Variants in AIRIM observed in about 807,000 individuals in gnomAD.
AIRIM encodes the protein AFG2 interacting ribosome maturation factor.
At chr1:37,689,971 T>TG in the AIRIM span, 1 of 1,459,148 alleles carries the variant, frequency 6.9e-7, no homozygotes, top group Non-Finnish European at 9.0e-7. Flanking sequence ...GCGTCATCTC[T>TG]GTTATCGTGT....
chr1:37,686,467 C>A, the AIRIM span: 2 of 1,609,550 alleles, frequency 1.2e-6, no homozygotes, highest in Non-Finnish European at 1.7e-6. Context: ...AAGAAAGAGT[C>A]TGACATTAGG....
chr1:37,686,839 G>T, the AIRIM span, among the ~76,000 whole-genome samples: 1 of 152,090 alleles, frequency 6.6e-6, no homozygotes, highest in African/African-American at 2.4e-5. Context: ...AGGCTGAGCG[G>T]GGTGGATCAC....
At chr1:37,688,707 C>G in the AIRIM span, among the ~76,000 whole-genome samples, 2 of 152,252 alleles carry the variant, frequency 1.3e-5, no homozygotes, top group African/African-American at 4.8e-5. Context: ...TTCTTTTGTT[C>G]CAGTTCAAGG....
chr1:37,689,823 C>T, the AIRIM span: 1 of 1,604,454 alleles, frequency 6.2e-7, no homozygotes, highest in Non-Finnish European at 8.5e-7. Flanking sequence ...TCCTCCACCA[C>T]GGGGAAGCAC....
chr1:37,689,876 G>C, the AIRIM span: 7 of 1,550,340 alleles, frequency 4.5e-6, no homozygotes, highest in East Asian at 1.4e-4. Flanking sequence ...CCGGTCTTGA[G>C]TCATCTTCTG....
the AIRIM span, among the ~76,000 whole-genome samples, chr1:37,689,073 C>G: frequency 6.6e-6 from 1 of 152,040 alleles, no homozygotes; most frequent in Non-Finnish European, 1.5e-5. Flanking sequence ...CAATCTACAG[C>G]AGAACAAAGT....
At chr1:37,687,088 G>GTA in the AIRIM span, among the ~76,000 whole-genome samples, 9 of 147,490 alleles carry the variant, frequency 6.1e-5, no homozygotes, top group African/African-American at 2.1e-4. Flanking sequence ...GTGTGTGTGT[G>GTA]TGTGTGTGTG....
At chr1:37,690,448 C>A in the AIRIM span, 2 of 1,262,820 alleles carry the variant, frequency 1.6e-6, no homozygotes, top group South Asian at 2.6e-5. Flanking sequence ...CCTGAAAAAG[C>A]GGAAAAACTT....
the AIRIM span, chr1:37,682,778 T>C: frequency 1.9e-5 from 4 of 206,784 alleles, no homozygotes; most frequent in African/African-American, 7.0e-5. Context: ...GTGTGGCTCT[T>C]TGCCTCTTGT....
the AIRIM span, among the ~76,000 whole-genome samples, chr1:37,685,579 C>T: frequency 4.0e-5 from 6 of 151,712 alleles, no homozygotes; most frequent in East Asian, 1.2e-3. Context: ...GTAGAGACGG[C>T]GTTTCACCAT....
the AIRIM span, among the ~76,000 whole-genome samples, chr1:37,690,752 A>C: frequency 2.6e-5 from 4 of 152,242 alleles, no homozygotes; most frequent in Admixed American, 2.0e-4. Flanking sequence ...CGGTGGTGGC[A>C]TGTCCTGTTA....
the AIRIM span, among the ~76,000 whole-genome samples, chr1:37,685,962 T>C: frequency 6.6e-6 from 1 of 152,152 alleles, no homozygotes; most frequent in Admixed American, 6.6e-5. Context: ...GACCACCCTA[T>C]TTTAAATCAC....
the AIRIM span, chr1:37,686,346 G>T: frequency 3.1e-6 from 5 of 1,614,094 alleles, no homozygotes; most frequent in Non-Finnish European, 4.2e-6. Context: ...ACTGCTGAAG[G>T]CTGCAGGACA....
the AIRIM span, chr1:37,686,466 T>G: frequency 1.9e-6 from 3 of 1,609,796 alleles, no homozygotes; most frequent in Non-Finnish European, 1.7e-6. Context: ...CAAGAAAGAG[T>G]CTGACATTAG....
At chr1:37,684,532 T>A in the AIRIM span, among the ~76,000 whole-genome samples, 1 of 152,098 alleles carries the variant, frequency 6.6e-6, no homozygotes, top group Middle Eastern at 3.2e-3. Context: ...GGCAGGAGAA[T>A]TGCTTGAACT....
At chr1:37,689,772 G>C in the AIRIM span, 1 of 1,613,460 alleles carries the variant, frequency 6.2e-7, no homozygotes, top group Admixed American at 1.7e-5. Flanking sequence ...GACAGGAGGG[G>C]CTGGCAGTCC....
chr1:37,689,509 C>T, the AIRIM span: 2 of 1,390,396 alleles, frequency 1.4e-6, no homozygotes, highest in East Asian at 2.4e-5. Flanking sequence ...GCCACGCTTT[C>T]AAGGAGAAAA....
chr1:37,685,192 T>TGGCG, the AIRIM span, among the ~76,000 whole-genome samples: 1 of 44,786 alleles, frequency 2.2e-5, no homozygotes, highest in Admixed American at 3.1e-4. Context: ...TGCTTTTTTT[T>TGGCG]GGGGGGGGGG....
chr1:37,687,156 T>C, the AIRIM span, among the ~76,000 whole-genome samples: 1 of 151,706 alleles, frequency 6.6e-6, no homozygotes, highest in Admixed American at 6.6e-5. Flanking sequence ...AGATGGAGTT[T>C]CGTTCTTGTC....
Sources: allele counts gnomAD v4.1 joint callset (sites outside exome capture counted in the v4.1 genomes callset), GRCh38; gene constraint gnomAD v4.1.1; transcripts MANE v1.5; gene names NCBI Gene and HGNC (gene_info 2026-07-23, HGNC 2026-07-21).